Variants in ZBTB34 observed in about 807,000 individuals in gnomAD.
ZBTB34 encodes the protein zinc finger and BTB domain-containing protein 34.
A neutral mutation model predicts 33.4 loss-of-function variants in ZBTB34; 1 was observed. The observed-to-expected ratio is 0.03, with a 90% confidence interval of 0.01 to 0.14. The LOEUF (loss-of-function observed/expected upper bound fraction) is 0.14, where lower values mean the gene tolerates loss of function less well. Ranked by LOEUF, ZBTB34 falls within the 10% of genes least tolerant of loss-of-function variation. The probability of loss-of-function intolerance (pLI) is 1.00; values close to 1 mark genes in which losing one functional copy is unlikely to be tolerated. For missense variants in ZBTB34, 406 were observed against 657.2 expected (o/e 0.62, Z 4.18); for synonymous variants, 283 against 253.5 (o/e 1.12, Z -1.11).
intron 1 of ZBTB34, chr9:126,863,592 C>A: frequency 1.8e-6 from 1 of 558,624 alleles, no homozygotes; most frequent in Non-Finnish European, 2.3e-6. Flanking sequence ...TGTTTTGTAG[C>A]TGACAAACTG....
intron 1 of ZBTB34, among the ~76,000 whole-genome samples, chr9:126,869,890 C>T (rs112903694): frequency 6.6e-6 from 1 of 152,300 alleles, no homozygotes; most frequent in Non-Finnish European, 1.5e-5. Flanking sequence ...ACCAAAAAAC[C>T]ATTTCAACAA....
intron 1 of ZBTB34, among the ~76,000 whole-genome samples, chr9:126,877,974 G>A (rs1048256861): frequency 4.0e-5 from 6 of 151,552 alleles, no homozygotes; most frequent in East Asian, 3.9e-4. Flanking sequence ...ATTGCACTCC[G>A]GACGACAGAG....
chr9:126,862,782 A>G (rs1366506258), intron 1 of ZBTB34, among the ~76,000 whole-genome samples: 2 of 152,058 alleles, frequency 1.3e-5, no homozygotes, highest in African/African-American at 4.8e-5. Flanking sequence ...AGTTTTTTTA[A>G]GGGCATTGTG....
At chr9:126,883,619 T>C (rs1443655367) in exon 2 of ZBTB34, 1 of 167,102 alleles carries the variant, frequency 6.0e-6, no homozygotes, top group South Asian at 2.1e-4. Flanking sequence ...TCTCTAAGAA[T>C]CATGATTCCA....
At chr9:126,881,569 T>C (rs1236902621) in exon 2 of ZBTB34, 1 of 167,012 alleles carries the variant, frequency 6.0e-6, no homozygotes, top group African/African-American at 2.4e-5. Context: ...AGGTTTATAT[T>C]AATCATTGTG....
chr9:126,879,595 G>T lies in ZBTB34; in HGVS notation c.196G>T (p.Ala66Ser). Residue 66 changes from alanine (A) to serine (S), a missense_variant, in exon 2 of 2, where the codon GCG becomes TCG. Transcript: ENST00000319119. The surrounding 1 kb of genome is among the most constrained non-coding windows in gnomAD (Gnocchi z 6.4). ...CTCCCCATATTTCCGGGACCATTCA[G>T]CGTTAAGTACCATGAGTGGCTTGTC... 6.2e-7 allele frequency: 1 copy of T among 1,613,918 alleles called. No individual in the cohort carries two copies. The highest frequency in any genetic ancestry group is 8.5e-7 in the Non-Finnish European group (1 of 1,179,878).
intron 1 of ZBTB34, among the ~76,000 whole-genome samples, chr9:126,873,368 A>G (rs2033306752): frequency 6.6e-6 from 1 of 152,002 alleles, no homozygotes; most frequent in African/African-American, 2.4e-5. Context: ...GACTCAAGCC[A>G]TGCTCCCACC....
chr9:126,865,196 A>G (rs1388780856), intron 1 of ZBTB34, among the ~76,000 whole-genome samples: 1 of 152,238 alleles, frequency 6.6e-6, no homozygotes, highest in East Asian at 1.9e-4. Context: ...TGCTGTGGGC[A>G]GAGACGATCC....
At chr9:126,874,433 T>A (rs1352202287) in intron 1 of ZBTB34, among the ~76,000 whole-genome samples, 14 of 152,160 alleles carry the variant, frequency 9.2e-5, no homozygotes. Flanking sequence ...AAGTATTTTT[T>A]AGATATATAA....
Position 126,879,863 on chromosome 9 carries a change from T to G in ZBTB34, c.464T>G (p.Val155Gly), listed in dbSNP as rs1337416500. The change falls in exon 2 of 2, where the codon GTG becomes GGG. Residue 155 changes from valine to glycine, a missense_variant. Physicochemically the swap from Val to Gly is moderately radical, Grantham distance 109. Coordinates refer to ENST00000319119, the Ensembl canonical transcript of ZBTB34. This position sits in a 1 kb window ranked among gnomAD's most constrained non-coding sequence, Gnocchi z 6.4. Reference sequence around the variant, plus strand: ...GAGAATCCCGAGAGTCGAAACGGAGTGAAAGACAGCAGCTTCTTTGCCAAC... The same window carrying G: ...GAGAATCCCGAGAGTCGAAACGGAGGGAAAGACAGCAGCTTCTTTGCCAAC... 2 of 1,612,162 alleles carry G rather than the reference T, an allele frequency of 1.2e-6. No individual in the cohort carries two copies. Among genetic ancestry groups the G allele is most frequent in the Non-Finnish European group, 1.7e-6 (2 of 1,179,710 alleles).
Position 126,867,936 on chromosome 9 carries a change from C to T in ZBTB34, c.-11+7197C>T, listed in dbSNP as rs529424279. Among the ~76,000 whole-genome samples, 16 of 152,138 alleles carry T rather than the reference C, an allele frequency of 1.1e-4. 2 individuals carry two copies. The highest frequency in any genetic ancestry group is 8.5e-4 in the Admixed American group (13 of 15,288). On this transcript the variant is annotated intron_variant, in intron 1 of 1. Transcript: ENST00000319119. ...AGCTGTGTTTGCCATTGGTGGGCCACGGTATTTTATGTGACCCTCTAATGT... is the reference window on the plus strand; with the variant it reads ...AGCTGTGTTTGCCATTGGTGGGCCATGGTATTTTATGTGACCCTCTAATGT...
intron 1 of ZBTB34, among the ~76,000 whole-genome samples, chr9:126,878,071 C>T (rs2033385701): frequency 1.3e-5 from 2 of 152,060 alleles, no homozygotes; most frequent in Admixed American, 6.6e-5. Flanking sequence ...TGTGGCAGCT[C>T]ACACTTGCAA....
At chr9:126,877,559 G>A (rs766961112) in intron 1 of ZBTB34, among the ~76,000 whole-genome samples, 3 of 152,188 alleles carry the variant, frequency 2.0e-5, no homozygotes, top group South Asian at 4.1e-4. Flanking sequence ...ATATACTTAA[G>A]TAGTTCTGAG....
chr9:126,880,410 C>T lies in ZBTB34; in HGVS notation c.1011C>T (p.Asp337=). The T allele has an allele frequency of 1.2e-6, 2 of 1,613,566 alleles. No homozygotes were observed. Among genetic ancestry groups the T allele is most frequent in the South Asian group, 1.1e-5 (1 of 91,066 alleles). The change falls in exon 2 of 2, where the codon GAC becomes GAT. Residue 337 remains aspartate, a synonymous_variant. Coordinates refer to ENST00000319119, the Ensembl canonical transcript of ZBTB34. This position sits in a 1 kb window ranked among gnomAD's most constrained non-coding sequence, Gnocchi z 6.7. The stretch of plus-strand genomic sequence containing the variant: ...CTTTGTCTGTCCACCTGCACAGTGA[C>T]CTGCAGGGCCTGGTGCAGGGCTCTG...
At chr9:126,865,707 G>A (rs1423201759) in intron 1 of ZBTB34, among the ~76,000 whole-genome samples, 3 of 152,156 alleles carry the variant, frequency 2.0e-5, no homozygotes, top group Non-Finnish European at 2.9e-5. Flanking sequence ...CAATGGGGCC[G>A]GGCGCAGTAG....
In ZBTB34 at chr9:126,880,336, A is replaced by G. The variant is rs1160871638; in HGVS notation, c.937A>G (p.Arg313Gly). 6.2e-7 allele frequency: 1 copy of G among 1,613,998 alleles called. No homozygotes were observed. The highest frequency in any genetic ancestry group is 2.2e-5 in the East Asian group (1 of 44,884). ...AAGTTTGAGTAATTCCAGCCCATCCAGGTCCATGCTGAGCTGTTTCCGAGG... is the reference window on the plus strand; with the variant it reads ...AAGTTTGAGTAATTCCAGCCCATCCGGGTCCATGCTGAGCTGTTTCCGAGG... The change falls in exon 2 of 2, where the codon AGG becomes GGG. Residue 313 changes from arginine (R) to glycine (G), a missense_variant. Arg to Gly is a moderately radical substitution (Grantham distance 125). Coordinates refer to ENST00000319119, the Ensembl canonical transcript of ZBTB34. This position sits in a 1 kb window ranked among gnomAD's most constrained non-coding sequence, Gnocchi z 6.7.
At chr9:126,884,396 T>G (rs1389681201) in exon 2 of ZBTB34, 1 of 167,106 alleles carries the variant, frequency 6.0e-6, no homozygotes, top group Non-Finnish European at 1.5e-5. Context: ...GACAAGTTAA[T>G]TTTTTGGTCA....
chr9:126,867,285 A>G (rs2033217344), intron 1 of ZBTB34, among the ~76,000 whole-genome samples: 1 of 152,028 alleles, frequency 6.6e-6, no homozygotes, highest in African/African-American at 2.4e-5. Flanking sequence ...GATAGATATT[A>G]CCAAATTATT....
In ZBTB34 at chr9:126,880,484, A is replaced by G; in HGVS notation, c.1085A>G (p.Glu362Gly). ...CCCGGGTATGAGAGCAGTCCCCGGG[A>G]GAGGAGTGCGAGAGGGCATTGGTAC... The change falls in exon 2 of 2, where the codon GAG becomes GGG. Residue 362 changes from glutamate to glycine, a missense_variant. By Grantham distance (98) the Glu-to-Gly change is moderately conservative. This residue lies in a region of ZBTB34 where 123 missense variants were observed against 140.4 expected (regional missense o/e 0.88). Coordinates refer to ENST00000319119, the Ensembl canonical transcript of ZBTB34. The surrounding 1 kb of genome is among the most constrained non-coding windows in gnomAD (Gnocchi z 6.7). 6.2e-7 allele frequency: 1 copy of G among 1,613,776 alleles called. No homozygotes were observed.
Sources: allele counts gnomAD v4.1 joint callset (sites outside exome capture counted in the v4.1 genomes callset), GRCh38; gene constraint gnomAD v4.1.1; regional missense constraint gnomAD v4.1.1; non-coding constraint Gnocchi (gnomAD v3.1); transcripts MANE v1.5; gene names NCBI Gene and HGNC (gene_info 2026-07-23, HGNC 2026-07-21).